Variants in SLIT2 observed in about 807,000 individuals in gnomAD.
The protein encoded by SLIT2 is slit homolog 2 protein.
A neutral mutation model predicts 185.7 loss-of-function variants in SLIT2; 41 were observed. That is an observed-to-expected ratio of 0.22 (90% confidence interval 0.17 to 0.29). The LOEUF (loss-of-function observed/expected upper bound fraction) is 0.29, where lower values mean the gene tolerates loss of function less well. Among genes scored for constraint, SLIT2 ranks in the 10% least tolerant of loss-of-function variants. SLIT2 has a pLI of 1.00. For synonymous variants in SLIT2, 693 were observed against 680.2 expected, an observed-to-expected ratio of 1.02 and a Z score of -0.29; for missense variants, 1,571 against 1,909.0, an observed-to-expected ratio of 0.82 and a Z score of 3.30.
At chr4:20,415,980 A>G (rs534282210) in intron 4 of SLIT2, among the ~76,000 whole-genome samples, 2 of 152,318 alleles carry the variant, frequency 1.3e-5, no homozygotes, top group South Asian at 2.1e-4. Context: ...GTTAGTGATG[A>G]CACAGTATTA....
intron 4 of SLIT2, chr4:20,393,280 C>T (rs73238783): frequency 0.21 from 31,564 of 151,994 alleles, 3,628 homozygotes; most frequent in Non-Finnish European, 0.27. Flanking sequence ...TGATCTCTTC[C>T]ATTTTGAGAG....
At chr4:20,524,256 G>C (rs1721095861) in intron 14 of SLIT2, 79 bp downstream of exon 14, 1 of 1,287,794 alleles carries the variant, frequency 7.8e-7, no homozygotes, top group Non-Finnish European at 1.1e-6. Flanking sequence ...CTGGCCTTCG[G>C]CTGATTAGTG....
chr4:20,517,083 A>G (rs962061523), intron 11 of SLIT2, among the ~76,000 whole-genome samples: 22 of 152,052 alleles, frequency 1.4e-4, no homozygotes, highest in African/African-American at 5.3e-4. Context: ...TAAATTGTCC[A>G]CCCCTTGATA....
At chr4:20,473,612 G>T (rs1012570272) in intron 5 of SLIT2, among the ~76,000 whole-genome samples, 13 of 151,912 alleles carry the variant, frequency 8.6e-5, no homozygotes, top group African/African-American at 3.1e-4. Flanking sequence ...TTCAAGTTTT[G>T]TATCGATGGC....
chr4:20,365,734 C>T (rs535883363), intron 4 of SLIT2, among the ~76,000 whole-genome samples: 2 of 152,222 alleles, frequency 1.3e-5, no homozygotes, highest in South Asian at 2.1e-4. Context: ...GCTTTTCACT[C>T]GCACGCATCC....
chr4:20,619,178 A>G lies in SLIT2; in HGVS notation c.*169A>G. ...TTTTCTGCATTTGGAAAAAAAAAAA[A>G]AGAAATGCTTGAACTAAAGCTTCCC... On this transcript the variant is annotated 3_prime_UTR_variant, in exon 37 of 37. Coordinates refer to ENST00000504154, the MANE Select transcript of SLIT2 (RefSeq NM_004787.4). 3 of 668,318 alleles carry G rather than the reference A, an allele frequency of 4.5e-6. No homozygotes were observed. The highest frequency in any genetic ancestry group is 7.0e-6 in the Non-Finnish European group (3 of 428,958). The allele number at this position is 668,318 out of a possible 1,614,324, so 41.4% of individuals were successfully genotyped here. A position where few individuals can be genotyped will look rare whatever the true frequency, so the allele number is the denominator to read the frequency against.
At chr4:20,430,030 A>G (rs1728850829) in intron 4 of SLIT2, among the ~76,000 whole-genome samples, 1 of 152,236 alleles carries the variant, frequency 6.6e-6, no homozygotes, top group South Asian at 2.1e-4. Context: ...AAAAGTTTAT[A>G]TGAGTTTTTT....
chr4:20,540,707 A>G (rs1444648618), intron 19 of SLIT2, among the ~76,000 whole-genome samples: 1 of 152,138 alleles, frequency 6.6e-6, no homozygotes, highest in Admixed American at 6.6e-5. Context: ...TTCATAGCTC[A>G]AGTCAGTGAA....
In SLIT2 at chr4:20,472,487, T is replaced by TAG. The variant is rs1560454449; in HGVS notation, c.467+4665_467+4666insGA. ...ATATCTATATATAGATATATATCTA[T>TAG]ATATAGATATATATCTATATATAGA... On this transcript the variant is annotated intron_variant, in intron 5 of 36. Transcript: ENST00000504154. 6.3e-4 allele frequency among the ~76,000 whole-genome samples: 12 copies of TAG among 19,174 alleles called. 1 individual carries two copies. The highest frequency in any genetic ancestry group is 9.1e-4 in the Non-Finnish European group (12 of 13,160). 12.6% of individuals were successfully genotyped at this position (19,174 alleles called of 152,430 possible).
At chr4:20,552,796 A>T (rs1327440619) in intron 25 of SLIT2, 1 of 152,206 alleles carries the variant, frequency 6.6e-6, no homozygotes, top group Non-Finnish European at 1.5e-5. Context: ...AGCTAATTGT[A>T]AATCAGAAGT....
At chr4:20,617,229 A>G in intron 35 of SLIT2, 31 bp downstream of exon 35, 1 of 1,473,306 alleles carries the variant, frequency 6.8e-7, no homozygotes, top group South Asian at 1.3e-5. Flanking sequence ...AGTTGAGCAC[A>G]CACCTGAAAG....
intron 9 of SLIT2, among the ~76,000 whole-genome samples, chr4:20,508,017 C>G (rs1022185699): frequency 6.6e-6 from 1 of 151,940 alleles, no homozygotes; most frequent in South Asian, 2.1e-4. Flanking sequence ...TCAAAACATT[C>G]TAATCAATAA....
At chr4:20,257,994 C>T (rs928783063) in intron 3 of SLIT2, 55 bp downstream of exon 3, 1 of 848,326 alleles carries the variant, frequency 1.2e-6, no homozygotes, top group Non-Finnish European at 1.9e-6. Context: ...TTTAAAAATA[C>T]TTAAATTTCA....
At chr4:20,604,638 C>G (rs1353555204) in intron 33 of SLIT2, among the ~76,000 whole-genome samples, 2 of 151,990 alleles carry the variant, frequency 1.3e-5, no homozygotes. Context: ...TGAGCCACTG[C>G]GCCCAGCCTA....
chr4:20,255,088 C>G lies in SLIT2; in HGVS notation c.179+1094C>G. On this transcript the variant is annotated intron_variant, in intron 1 of 36. Transcript: ENST00000504154. ...CCGGCCGCCCTAGGCACGTTCCGCTCTCGCGGTTGCGTGTGGGCCGGGAGT... is the reference window on the plus strand; with the variant it reads ...CCGGCCGCCCTAGGCACGTTCCGCTGTCGCGGTTGCGTGTGGGCCGGGAGT... 3 of 455,848 alleles carry G rather than the reference C, an allele frequency of 6.6e-6. 1 individual carries two copies. In the Middle Eastern group the frequency reaches 9.8e-4, roughly 150 times the overall value. The allele number at this position is 455,848 out of a possible 1,614,324, so 28.2% of individuals were successfully genotyped here. A position where few individuals can be genotyped will look rare whatever the true frequency, so the allele number is the denominator to read the frequency against.
At chr4:20,443,532 G>T (rs1480772185) in intron 4 of SLIT2, among the ~76,000 whole-genome samples, 1 of 123,620 alleles carries the variant, frequency 8.1e-6, no homozygotes, top group Non-Finnish European at 1.6e-5. Flanking sequence ...CAAGTTTATT[G>T]AACCATAGCT....
intron 4 of SLIT2, among the ~76,000 whole-genome samples, chr4:20,344,928 T>A (rs1560337020): frequency 6.6e-6 from 1 of 152,208 alleles, no homozygotes; most frequent in East Asian, 1.9e-4. Flanking sequence ...TGCTTAATTT[T>A]AAATTCTGTA....
intron 4 of SLIT2, among the ~76,000 whole-genome samples, chr4:20,429,201 G>T (rs1392962378): frequency 2.6e-5 from 4 of 152,232 alleles, no homozygotes; most frequent in Middle Eastern, 3.4e-3. Flanking sequence ...ATCATTAAAA[G>T]ACTTGTTCTC....
At chr4:20,267,639 G>T (rs917572315) in intron 3 of SLIT2, among the ~76,000 whole-genome samples, 1 of 151,796 alleles carries the variant, frequency 6.6e-6, no homozygotes, top group African/African-American at 2.4e-5. Flanking sequence ...CTAATTCTTA[G>T]AAAGGTCTTC....
Sources: gnomAD v4.1 joint callset for allele counts (sites outside exome capture counted in the v4.1 genomes callset) on GRCh38, gnomAD v4.1.1 for gene constraint, MANE v1.5 for transcripts, NCBI Gene and HGNC (gene_info 2026-07-23, HGNC 2026-07-21) for gene names.